The following HDAC1 variants were observed in gnomAD, a reference collection of about 807,000 sequenced individuals.
HDAC1 encodes the protein protein deacetylase HDAC1.
HDAC1 carries 18 observed loss-of-function variants against 65.5 expected under a neutral mutation model. The observed-to-expected ratio is 0.27, with a 90% CI of 0.19 to 0.41. HDAC1 has a LOEUF of 0.41. HDAC1 is among the 10% of genes least tolerant of loss of function. The pLI is 1.00. For synonymous variants in HDAC1, 211 were observed against 227.9 expected (o/e 0.93, Z 0.67); for missense variants, 373 against 625.2 (o/e 0.60, Z 4.30).
At chr1:32,316,613 TG>T in intron 2 of HDAC1, 51 bp from the exon 3 acceptor site, 1 of 956,878 alleles carries the variant, frequency 1.0e-6, no homozygotes, top group Non-Finnish European at 1.7e-6. Context: ...CTAGATTGAC[TG>T]GACTGGCCGT....
chr1:32,319,130 A>T (rs534185708), intron 3 of HDAC1, among the ~76,000 whole-genome samples: 1 of 152,262 alleles, frequency 6.6e-6, no homozygotes, highest in African/African-American at 2.4e-5. Flanking sequence ...AAAAAAAAAA[A>T]TTCAGTCTGG....
At chr1:32,306,192 C>CTTT (rs59708330) in intron 2 of HDAC1, among the ~76,000 whole-genome samples, 1 of 137,502 alleles carries the variant, frequency 7.3e-6, no homozygotes, top group Non-Finnish European at 1.6e-5. Flanking sequence ...TTTTCTTTTT[C>CTTT]TTTTTTTTTT....
At position 32,333,287 on chromosome 1, in the gene HDAC1, G is replaced by A. The variant is rs1300242120; in HGVS notation, c.*243G>A. ...GAACCATAAAGGGTGCCAGGTCTGG[G>A]TGAAAGGGATACTTTTATGCAACCA... is the stretch of plus-strand genomic sequence containing the variant. On this transcript the variant is annotated 3_prime_UTR_variant, in exon 14 of 14. Transcript: ENST00000373548. 2.7e-6 allele frequency: 1 copy of A among 376,410 alleles called. No homozygotes were observed. Among genetic ancestry groups the A allele is most frequent in the Non-Finnish European group, 4.7e-6 (1 of 210,684 alleles). 23.3% of individuals were successfully genotyped at this position (376,410 alleles called of 1,614,324 possible). A position where few individuals can be genotyped will look rare whatever the true frequency, so the allele number is the denominator to read the frequency against.
intron 1 of HDAC1, among the ~76,000 whole-genome samples, chr1:32,295,811 A>G (rs983471405): frequency 2.0e-5 from 3 of 152,158 alleles, no homozygotes; most frequent in Admixed American, 6.5e-5. Context: ...TTGTCTTGCC[A>G]TGTTGTCCAG....
chr1:32,314,965 A>T (rs542737341), intron 2 of HDAC1, among the ~76,000 whole-genome samples: 1 of 152,324 alleles, frequency 6.6e-6, no homozygotes, highest in Admixed American at 6.5e-5. Flanking sequence ...GTTTATATCA[A>T]TTAGCCTATG....
At chr1:32,313,892 G>T (rs1335159561) in intron 2 of HDAC1, among the ~76,000 whole-genome samples, 1 of 152,188 alleles carries the variant, frequency 6.6e-6, no homozygotes, top group African/African-American at 2.4e-5. Context: ...TCCAAGGTTG[G>T]TTCCTTGTGT....
intron 2 of HDAC1, among the ~76,000 whole-genome samples, chr1:32,314,168 G>A (rs1641027116): frequency 6.6e-6 from 1 of 152,122 alleles, no homozygotes; most frequent in Admixed American, 6.6e-5. Flanking sequence ...ATCACTCACT[G>A]ATTCACCAAA....
intron 3 of HDAC1, among the ~76,000 whole-genome samples, chr1:32,322,893 A>T (rs984799804): frequency 1.3e-5 from 2 of 152,116 alleles, no homozygotes; most frequent in African/African-American, 4.8e-5. Context: ...GTTCCTCCGC[A>T]CAGTGGGGTT....
intron 1 of HDAC1, 48 bp downstream of exon 1, chr1:32,292,266 G>C (rs1405279573): frequency 3.2e-6 from 5 of 1,545,736 alleles, no homozygotes; most frequent in Non-Finnish European, 4.4e-6. Flanking sequence ...GGGCCGGACC[G>C]GGAACCTGGA....
At chr1:32,332,868 G>T in intron 13 of HDAC1, 119 bp downstream of exon 13, 1 of 1,177,456 alleles carries the variant, frequency 8.5e-7, no homozygotes, top group South Asian at 1.3e-5. Context: ...CTCTTTCAGG[G>T]ACCAGTCTGT....
rs757064183 is a variant in HDAC1, at chr1:32,327,173, A to G, written c.494+96A>G. ...CTTGCCTCCCTAGTTTGCTTTTCCT[A>G]CCGATGTGCTGGCTAGGATGTGCTC... On this transcript the variant is annotated intron_variant, in intron 5 of 13. Transcript: ENST00000373548. The surrounding 1 kb of genome is among the most constrained non-coding windows in gnomAD (Gnocchi z 6.0). 14 of 1,272,324 alleles carry G rather than the reference A, an allele frequency of 1.1e-5. 1 individual carries two copies. The highest frequency in any genetic ancestry group is 1.5e-5 in the African/African-American group (1 of 67,940). The allele number at this position is 1,272,324 out of a possible 1,614,324, so 78.8% of individuals were successfully genotyped here. A position where few individuals can be genotyped will look rare whatever the true frequency, so the allele number is the denominator to read the frequency against.
intron 2 of HDAC1, among the ~76,000 whole-genome samples, chr1:32,315,114 G>C (rs1641042969): frequency 6.6e-6 from 1 of 152,064 alleles, no homozygotes; most frequent in Non-Finnish European, 1.5e-5. Flanking sequence ...CTACCTTTAA[G>C]GGATGGGAGG....
chr1:32,311,833 T>C (rs1304211164), intron 2 of HDAC1, among the ~76,000 whole-genome samples: 1 of 152,172 alleles, frequency 6.6e-6, no homozygotes, highest in Non-Finnish European at 1.5e-5. Flanking sequence ...TGAGAAGCTA[T>C]TTGAACTGTG....
At position 32,331,424 on chromosome 1, in the gene HDAC1, A is replaced by G. The variant is rs376247142; in HGVS notation, c.980-50A>G. On this transcript the variant is annotated intron_variant, in intron 9 of 13. Transcript: ENST00000373548. The surrounding 1 kb of genome is among the most constrained non-coding windows in gnomAD (Gnocchi z 4.2). ...TTAGGGTGCTTACGTGCAAATGGTT[A>G]GGGTGCGGTGGCCAGGTCTCTTGAC... 22 of 1,038,406 alleles carry G rather than the reference A, an allele frequency of 2.1e-5. No individual in the cohort carries two copies. The African/African-American group carries it at 2.7e-4, about 13-fold the overall frequency. 64.3% of individuals were successfully genotyped at this position (1,038,406 alleles called of 1,614,324 possible).
chr1:32,300,360 C>T (rs1201032660), intron 1 of HDAC1, among the ~76,000 whole-genome samples: 1 of 151,882 alleles, frequency 6.6e-6, no homozygotes, highest in Non-Finnish European at 1.5e-5. Context: ...AGTTCCAGAC[C>T]AGCCAGGCCA....
At chr1:32,302,580 G>C (rs1288493189) in intron 1 of HDAC1, 41 bp from the exon 2 acceptor site, 1 of 950,620 alleles carries the variant, frequency 1.1e-6, no homozygotes, top group East Asian at 2.4e-5. Flanking sequence ...GGTAGTGTAT[G>C]CCTAACTGTG....
At chr1:32,310,134 A>G (rs1044978638) in intron 2 of HDAC1, among the ~76,000 whole-genome samples, 6 of 152,242 alleles carry the variant, frequency 3.9e-5, no homozygotes, top group Non-Finnish European at 7.3e-5. Flanking sequence ...CCCTCATGGC[A>G]GCCATCAGCT....
chr1:32,318,789 T>G (rs1641098930), intron 3 of HDAC1, among the ~76,000 whole-genome samples: 1 of 152,146 alleles, frequency 6.6e-6, no homozygotes, highest in Non-Finnish European at 1.5e-5. Context: ...GGTGCGCCAA[T>G]TTTTCCGAAT....
intron 3 of HDAC1, among the ~76,000 whole-genome samples, chr1:32,320,933 A>G (rs1407549275): frequency 6.7e-6 from 1 of 149,172 alleles, no homozygotes; most frequent in Non-Finnish European, 1.5e-5. Flanking sequence ...ACAGAAAAAG[A>G]AAAAAACATA....
Sources: allele counts gnomAD v4.1 joint callset (sites outside exome capture counted in the v4.1 genomes callset), GRCh38; gene constraint gnomAD v4.1.1; non-coding constraint Gnocchi (gnomAD v3.1); transcripts MANE v1.5; gene names NCBI Gene and HGNC (gene_info 2026-07-23, HGNC 2026-07-21).